The following SMAD2 variants were observed in gnomAD, a reference collection of about 807,000 sequenced individuals.
SMAD2 encodes SMAD family member 2, also known as MAD homolog 2.
In SMAD2, 8 loss-of-function variants were observed where a neutral mutation model predicts 64.4. That is an observed-to-expected ratio of 0.12 (90% CI 0.07 to 0.22). The LOEUF is 0.22. Ranked by LOEUF, SMAD2 falls within the 10% of genes least tolerant of loss-of-function variation. SMAD2 has a pLI of 1.00. For missense variants in SMAD2, 289 were observed against 561.2 expected (o/e 0.51, Z 4.90); for synonymous variants, 203 against 195.8 (o/e 1.04, Z -0.31).
chr18:47,848,114 AAAAACAAAAAC>A (rs1409898390), intron 8 of SMAD2, among the ~76,000 whole-genome samples: 1 of 151,980 alleles, frequency 6.6e-6, no homozygotes, highest in Non-Finnish European at 1.5e-5. Flanking sequence ...GAAACTGAAA[AAAAACAAAAAC>A]AAAACAAAAC....
rs1913612620 is a variant in SMAD2, at chr18:47,838,145, G to C, written c.*3682C>G. The C allele has an allele frequency of 4.3e-6, 1 of 232,728 alleles. No individual in the cohort carries two copies. The highest frequency in any genetic ancestry group is 2.2e-5 in the African/African-American group (1 of 45,262). The allele number at this position is 232,728 out of a possible 1,614,324, so 14.4% of individuals were successfully genotyped here. On this transcript the variant is annotated 3_prime_UTR_variant, in exon 11 of 11. Coordinates refer to ENST00000262160, the MANE Select transcript of SMAD2 (RefSeq NM_005901.6). ...TTTGTTTGTTTGTTTTACCTTCAAA[G>C]TCTTAGTCTTAAATTGACAAGGGCA...
intron 2 of SMAD2, among the ~76,000 whole-genome samples, chr18:47,876,068 C>T (rs1598815710): frequency 6.6e-6 from 1 of 151,956 alleles, no homozygotes; most frequent in Admixed American, 6.6e-5. Context: ...TTACAAAGTA[C>T]TAAGGATAGA....
intron 2 of SMAD2, among the ~76,000 whole-genome samples, chr18:47,880,541 A>G (rs2032526305): frequency 6.6e-6 from 1 of 152,212 alleles, no homozygotes; most frequent in South Asian, 2.1e-4. Flanking sequence ...AAGTCAGGGT[A>G]ATTTAAGTAC....
At position 47,825,942 on chromosome 18, in the gene SMAD2, T is replaced by G. The variant is rs1442076433; in HGVS notation, c.*15885A>C. The G allele has an allele frequency of 6.6e-6, 1 of 152,242 alleles. No homozygotes were observed. The highest frequency in any genetic ancestry group is 1.5e-5 in the Non-Finnish European group (1 of 68,056). The allele number at this position is 152,242 out of a possible 1,614,324, so 9.4% of individuals were successfully genotyped here. ...CATTTAAGAAGTCCCAGAAAGGTTT[T>G]GGAAATGGCATTAATGTAAATGTTC... On this transcript the variant is annotated 3_prime_UTR_variant, in exon 11 of 11. Coordinates refer to ENST00000262160, the MANE Select transcript of SMAD2 (RefSeq NM_005901.6).
chr18:47,874,603 C>CA (rs372282361), intron 2 of SMAD2, among the ~76,000 whole-genome samples: 1 of 151,972 alleles, frequency 6.6e-6, no homozygotes, highest in Non-Finnish European at 1.5e-5. Context: ...AAAGTCCCAA[C>CA]AAAAAATTCA....
intron 2 of SMAD2, among the ~76,000 whole-genome samples, chr18:47,891,001 T>C (rs961955569): frequency 6.6e-6 from 1 of 152,230 alleles, no homozygotes; most frequent in East Asian, 1.9e-4. Flanking sequence ...ATTACTCTGA[T>C]GTTTAAAAGT....
intron 1 of SMAD2, among the ~76,000 whole-genome samples, chr18:47,921,694 G>A (rs143203051): frequency 9.2e-5 from 14 of 152,074 alleles, no homozygotes; most frequent in African/African-American, 3.1e-4. Flanking sequence ...TCCTTTCATT[G>A]AATGGCATTA....
At chr18:47,844,418 T>TTTACTTAGTTCCTACTTAA (rs1914287013) in intron 10 of SMAD2, among the ~76,000 whole-genome samples, 1 of 152,204 alleles carries the variant, frequency 6.6e-6, no homozygotes, top group Non-Finnish European at 1.5e-5. Context: ...AGACTAAGTA[T>TTTACTTAGTTCCTACTTAA]TTTACTTAAT....
chr18:47,924,247 T>G (rs1359582425), intron 1 of SMAD2, among the ~76,000 whole-genome samples: 1 of 44,254 alleles, frequency 2.3e-5, no homozygotes, highest in Non-Finnish European at 4.4e-5. Flanking sequence ...AAACTCCGTC[T>G]CAAAAAAAAA....
At chr18:47,884,257 C>G (rs879670499) in intron 2 of SMAD2, among the ~76,000 whole-genome samples, 6 of 152,136 alleles carry the variant, frequency 3.9e-5, no homozygotes, top group Non-Finnish European at 7.3e-5. Context: ...ACATATAGTT[C>G]ACACTTATTA....
At chr18:47,862,584 T>C (rs1198703188) in intron 6 of SMAD2, among the ~76,000 whole-genome samples, 1 of 152,202 alleles carries the variant, frequency 6.6e-6, no homozygotes, top group African/African-American at 2.4e-5. Flanking sequence ...CCCATCGTAC[T>C]TCAGTATGAC....
At chr18:47,854,600 A>C (rs989392490) in intron 6 of SMAD2, among the ~76,000 whole-genome samples, 1 of 152,060 alleles carries the variant, frequency 6.6e-6, no homozygotes, top group East Asian at 1.9e-4. Flanking sequence ...CTTAAAAATC[A>C]GTTCTTAGAC....
chr18:47,857,958 A>T (rs2030861217), intron 6 of SMAD2, among the ~76,000 whole-genome samples: 1 of 152,222 alleles, frequency 6.6e-6, no homozygotes, highest in Non-Finnish European at 1.5e-5. Context: ...AACCTGAGTG[A>T]TGTGACATTA....
chr18:47,863,896 G>A (rs558959997), intron 6 of SMAD2, among the ~76,000 whole-genome samples: 17 of 151,958 alleles, frequency 1.1e-4, no homozygotes, highest in African/African-American at 3.9e-4. Context: ...TCCTACTAGC[G>A]ATATATGAGG....
In SMAD2 at chr18:47,811,705, T is replaced by C. The variant is rs2144221917; in HGVS notation, c.*30122A>G. 1 of 152,090 alleles carries C rather than the reference T, an allele frequency of 6.6e-6. No individual in the cohort carries two copies. Among genetic ancestry groups the C allele is most frequent in the Admixed American group, 6.5e-5 (1 of 15,282 alleles). The allele number at this position is 152,090 out of a possible 1,614,324, so 9.4% of individuals were successfully genotyped here. A position where few individuals can be genotyped will look rare whatever the true frequency, so the allele number is the denominator to read the frequency against. ...AGCAGCTGATCAAAATGGAACCCTA[T>C]GAAAGGCAAAGAGCAGGGTGGAGGA... On this transcript the variant is annotated 3_prime_UTR_variant, in exon 11 of 11. Transcript: ENST00000262160.
At chr18:47,852,666 T>C (rs1470572375) in intron 6 of SMAD2, among the ~76,000 whole-genome samples, 2 of 152,182 alleles carry the variant, frequency 1.3e-5, no homozygotes, top group African/African-American at 4.8e-5. Flanking sequence ...CGAGACATTA[T>C]TCTATGAAGG....
intron 2 of SMAD2, among the ~76,000 whole-genome samples, chr18:47,879,349 C>T (rs1244637653): frequency 6.6e-6 from 1 of 152,104 alleles, no homozygotes; most frequent in African/African-American, 2.4e-5. Flanking sequence ...TGCGCTCATC[C>T]CCAGAGGCAA....
intron 1 of SMAD2, among the ~76,000 whole-genome samples, chr18:47,919,283 G>A (rs985153769): frequency 2.6e-5 from 4 of 151,414 alleles, no homozygotes; most frequent in Admixed American, 6.6e-5. Context: ...AGTATTTACC[G>A]CCCCACCCCC....
chr18:47,855,847 C>T (rs2030627585), intron 6 of SMAD2, among the ~76,000 whole-genome samples: 1 of 152,120 alleles, frequency 6.6e-6, no homozygotes, highest in African/African-American at 2.4e-5. Flanking sequence ...TCTCTCCTGG[C>T]CTGCAAACTT....
Sources: gnomAD v4.1 joint callset for allele counts (sites outside exome capture counted in the v4.1 genomes callset) on GRCh38, gnomAD v4.1.1 for gene constraint, MANE v1.5 for transcripts, NCBI Gene and HGNC (gene_info 2026-07-23, HGNC 2026-07-21) for gene names.